The following ERCC6 variants were observed in gnomAD, a reference collection of about 807,000 sequenced individuals.
ERCC6 encodes the protein ERCC excision repair 6, chromatin remodeling factor.
ERCC6 carries 116 observed loss-of-function variants against 158.7 expected under a neutral mutation model. The observed-to-expected ratio is 0.73, with a 90% CI of 0.63 to 0.85. The LOEUF (loss-of-function observed/expected upper bound fraction) is 0.85. Ranked by LOEUF, ERCC6 falls within the 40% of genes least tolerant of loss-of-function variation. ERCC6 has a pLI of 0.00. For synonymous variants in ERCC6, 678 were observed against 659.3 expected, an observed-to-expected ratio of 1.03 and a Z score of -0.43; for missense variants, 1,698 against 1,799.4, an observed-to-expected ratio of 0.94 and a Z score of 1.02.
chr10:49,474,808 C>T (rs1187918830), intron 12 of ERCC6, among the ~76,000 whole-genome samples: 2 of 152,110 alleles, frequency 1.3e-5, no homozygotes, highest in African/African-American at 4.8e-5. Context: ...AAGATATGGT[C>T]CATGCAGAAG....
intron 5 of ERCC6, among the ~76,000 whole-genome samples, chr10:49,522,099 TAAA>T (rs937801945): frequency 6.6e-6 from 1 of 151,320 alleles, no homozygotes; most frequent in Admixed American, 6.6e-5. Flanking sequence ...TTCTAACCAC[TAAA>T]AAAAAACTAA....
intron 10 of ERCC6, among the ~76,000 whole-genome samples, chr10:49,479,087 T>A (rs538532621): frequency 4.6e-5 from 7 of 151,312 alleles, no homozygotes; most frequent in African/African-American, 1.7e-4. Context: ...CACGGCCACA[T>A]GAGATGAGTA....
chr10:49,462,498 T>TA (rs149556678), intron 18 of ERCC6, among the ~76,000 whole-genome samples: 13,389 of 150,936 alleles, frequency 0.089, 674 homozygotes, highest in African/African-American at 0.13. Context: ...ACAATTTTTT[T>TA]AAAAAAAAAC....
At chr10:49,446,536 G>A in the ERCC6 span, among the ~76,000 whole-genome samples, 1 of 152,178 alleles carries the variant, frequency 6.6e-6, no homozygotes, top group African/African-American at 2.4e-5. Context: ...AGTGCTTTGG[G>A]AGGCCAAAGC....
chr10:49,472,908 C>G lies in ERCC6; in HGVS notation c.2829+1G>C. 2 of 1,613,654 alleles carry G rather than the reference C, an allele frequency of 1.2e-6. No individual in the cohort carries two copies. The highest frequency in any genetic ancestry group is 1.7e-6 in the Non-Finnish European group (2 of 1,179,844). ...CTTTTAAAAAAAAAATAAAAACAAA[C>G]CTGCGTGTCCGTGCTTGGGTTCCAG... On this transcript the variant is annotated splice_donor_variant, in intron 15 of 20. Transcript: ENST00000355832. LOFTEE classifies it high-confidence loss of function.
rs200156549 is a variant in ERCC6 at position 49,537,487 on chromosome 10, CTA to C, written c.-15+1473_-15+1474del. 4.0e-3 allele frequency among the ~76,000 whole-genome samples: 581 copies of C among 144,886 alleles called. 7 individuals carry two copies. The highest frequency in any genetic ancestry group is 2.7e-3 in the African/African-American group (105 of 39,122). On this transcript the variant is annotated intron_variant, in intron 1 of 20. Transcript: ENST00000355832. Reference sequence around the variant, plus strand: ...CATGGGAAAAACAGACATTTAAAAACTATATATATATATATACACATACACAC... The same window carrying C: ...CATGGGAAAAACAGACATTTAAAAACTATATATATATATACACATACACAC...
At chr10:49,488,299 G>C (rs1312492348) in intron 8 of ERCC6, 3 of 159,906 alleles carry the variant, frequency 1.9e-5, no homozygotes, top group Non-Finnish European at 4.2e-5. Flanking sequence ...CAGGCGGCGG[G>C]GAGAGGAGCG....
chr10:49,473,403 G>T lies in ERCC6; in HGVS notation c.2709+74C>A, dbSNP rs537549013. ...GTCAATGCTGCTTTGGTGGGTAAGGGTGTGGATACGCTTAGTCCTTTCCCT... is the reference window on the plus strand; with the variant it reads ...GTCAATGCTGCTTTGGTGGGTAAGGTTGTGGATACGCTTAGTCCTTTCCCT... On this transcript the variant is annotated intron_variant, in intron 14 of 20. Coordinates refer to ENST00000355832, the MANE Select transcript of ERCC6 (RefSeq NM_000124.4). 4.7e-5 allele frequency: 46 copies of T among 987,270 alleles called. No homozygotes were observed. In the African/African-American group the frequency reaches 6.7e-4, roughly 14 times the overall value. 61.2% of individuals were successfully genotyped at this position (987,270 alleles called of 1,614,324 possible).
At chr10:49,474,712 G>A (rs928571484) in intron 12 of ERCC6, among the ~76,000 whole-genome samples, 1 of 152,054 alleles carries the variant, frequency 6.6e-6, no homozygotes, top group African/African-American at 2.4e-5. Context: ...TGAGTCAGAG[G>A]TTGAGGATCC....
At chr10:49,461,605 AAGAC>A in intron 18 of ERCC6, 49 bp from the exon 19 acceptor site, 1 of 1,556,510 alleles carries the variant, frequency 6.4e-7, no homozygotes, top group Non-Finnish European at 8.7e-7. Flanking sequence ...GTATGCAAGA[AAGAC>A]ACTTTTCTCC....
chr10:49,494,959 T>C (rs1327756989), intron 7 of ERCC6, among the ~76,000 whole-genome samples: 2 of 152,178 alleles, frequency 1.3e-5, no homozygotes, highest in Admixed American at 1.3e-4. Context: ...CATTTGTGAA[T>C]GTTTAACCCA....
chr10:49,513,842 TTC>T (rs955636908), intron 5 of ERCC6, among the ~76,000 whole-genome samples: 356 of 151,448 alleles, frequency 2.4e-3, no homozygotes, highest in African/African-American at 8.4e-3. Flanking sequence ...ACTATTGTTA[TTC>T]TCTCTCTCTC....
chr10:49,449,560 CTTTTTTT>C (rs71026248), downstream of ERCC6, among the ~76,000 whole-genome samples: 7 of 68,024 alleles, frequency 1.0e-4, no homozygotes, highest in Non-Finnish European at 1.5e-4. Context: ...ATAGTTAGGT[CTTTTTTT>C]TTTTTTTTTT....
intron 1 of ERCC6, among the ~76,000 whole-genome samples, chr10:49,534,097 G>C (rs1837535151): frequency 8.2e-6 from 1 of 121,410 alleles, no homozygotes; most frequent in Non-Finnish European, 1.6e-5. Flanking sequence ...TCTCACCACT[G>C]CATTCCAGCA....
intron 5 of ERCC6, among the ~76,000 whole-genome samples, chr10:49,520,823 G>A (rs1233999935): frequency 6.6e-6 from 1 of 152,102 alleles, no homozygotes; most frequent in South Asian, 2.1e-4. Flanking sequence ...CAACCTCCAA[G>A]GCAATCCAAA....
chr10:49,509,429 T>C (rs977472600), intron 5 of ERCC6, among the ~76,000 whole-genome samples: 1 of 152,176 alleles, frequency 6.6e-6, no homozygotes, highest in Non-Finnish European at 1.5e-5. Flanking sequence ...TACCTGAACA[T>C]GTATACTTAA....
intron 8 of ERCC6, 35 bp from the exon 9 acceptor site, chr10:49,483,551 A>T (rs1851019868): frequency 6.2e-7 from 1 of 1,603,312 alleles, no homozygotes; most frequent in Non-Finnish European, 8.5e-7. Flanking sequence ...GTCAGTTTTA[A>T]ATAAGAAGTG....
At chr10:49,524,926 A>T (rs1273520211) in intron 4 of ERCC6, 149 bp from the exon 5 acceptor site, 6 of 1,500,620 alleles carry the variant, frequency 4.0e-6, no homozygotes, top group Non-Finnish European at 4.4e-6. Flanking sequence ...GTTACATATG[A>T]AGGACAGAAT....
In ERCC6 at chr10:49,500,770, T is replaced by A. The variant is rs1016602152; in HGVS notation, c.1527-74A>T. 4 of 1,518,464 alleles carry A rather than the reference T, an allele frequency of 2.6e-6. No individual in the cohort carries two copies. The African/African-American group carries it at 5.5e-5, about 21-fold the overall frequency. 94.1% of individuals were successfully genotyped at this position (1,518,464 alleles called of 1,614,324 possible). A position where few individuals can be genotyped will look rare whatever the true frequency, so the allele number is the denominator to read the frequency against. On this transcript the variant is annotated intron_variant, in intron 6 of 20. Transcript: ENST00000355832. Reference sequence around the variant, plus strand: ...TAATACAGATCATAACAGAAAGTACTCATGAATTAATCATTTGGCTAGGTT... The same window carrying A: ...TAATACAGATCATAACAGAAAGTACACATGAATTAATCATTTGGCTAGGTT...
Sources: allele counts gnomAD v4.1 joint callset (sites outside exome capture counted in the v4.1 genomes callset), GRCh38; gene constraint gnomAD v4.1.1; transcripts MANE v1.5; gene names NCBI Gene and HGNC (gene_info 2026-07-23, HGNC 2026-07-21).